The following SUPT3H variants were observed in gnomAD, a reference collection of about 807,000 sequenced individuals.
SUPT3H encodes the protein SPT3 homolog, SAGA and STAGA complex component, also known as transcription initiation protein SPT3 homolog.
SUPT3H carries 44 observed loss-of-function variants against 44.3 expected under a neutral mutation model. The ratio of observed to expected loss-of-function variants is 0.99; its 90% confidence interval spans 0.78 to 1.28. SUPT3H has a LOEUF of 1.28. SUPT3H is among the 50% of genes most tolerant of loss of function. The pLI, the probability that SUPT3H is intolerant of heterozygous loss-of-function variation, is 0.00. For missense variants in SUPT3H, 380 were observed against 387.1 expected (o/e 0.98, Z 0.15); for synonymous variants, 124 against 125.6 (o/e 0.99, Z 0.09).
At chr6:45,169,549 A>G (rs1810444261) in intron 2 of SUPT3H, among the ~76,000 whole-genome samples, 2 of 152,170 alleles carry the variant, frequency 1.3e-5, no homozygotes, top group South Asian at 4.1e-4. Flanking sequence ...CATAAAAAAA[A>G]TGTTTTTATA....
At chr6:44,918,821 A>C (rs1449151610) in intron 10 of SUPT3H, among the ~76,000 whole-genome samples, 2 of 152,212 alleles carry the variant, frequency 1.3e-5, no homozygotes, top group African/African-American at 2.4e-5. Flanking sequence ...CAGATAGCTT[A>C]CACGCCACTG....
At position 45,053,723 on chromosome 6, in the gene SUPT3H, C is replaced by T. The variant is rs149698319; in HGVS notation, c.187-33091G>A. 4.7e-3 allele frequency among the ~76,000 whole-genome samples: 671 copies of T among 142,032 alleles called. 6 individuals carry two copies. The highest frequency in any genetic ancestry group is 0.017 in the African/African-American group (628 of 37,162). The allele number at this position is 142,032 out of a possible 152,430, so 93.2% of individuals were successfully genotyped here. On this transcript the variant is annotated intron_variant, in intron 3 of 10. Coordinates refer to ENST00000371459, the MANE Select transcript of SUPT3H (RefSeq NM_003599.4). ...ACCATCCTGTCTAACACGGTGAAAC[C>T]CCATCTACTAAAAATACAAAAAAAA...
At chr6:44,917,097 T>A (rs1767933390) in intron 10 of SUPT3H, among the ~76,000 whole-genome samples, 13 of 151,956 alleles carry the variant, frequency 8.6e-5, no homozygotes, top group Admixed American at 8.5e-4. Flanking sequence ...GAGGCTGCAG[T>A]GAGCCAGGGC....
At chr6:44,894,595 A>G (rs1763829012) in intron 10 of SUPT3H, among the ~76,000 whole-genome samples, 1 of 152,178 alleles carries the variant, frequency 6.6e-6, no homozygotes, top group Non-Finnish European at 1.5e-5. Context: ...CTGTTTTGGT[A>G]CCAGTACCAT....
At chr6:45,183,988 A>G (rs1425880629) in intron 2 of SUPT3H, among the ~76,000 whole-genome samples, 4 of 152,188 alleles carry the variant, frequency 2.6e-5, no homozygotes, top group African/African-American at 4.8e-5. Context: ...CAGTGAAACT[A>G]TTTTGTATGA....
chr6:45,169,851 TAA>T (rs1332826014), intron 2 of SUPT3H, among the ~76,000 whole-genome samples: 5 of 152,332 alleles, frequency 3.3e-5, no homozygotes, highest in South Asian at 4.1e-4. Flanking sequence ...TAAAATCAGT[TAA>T]GAGGATAAAC....
At chr6:45,374,983 G>A (rs1032421618) in intron 1 of SUPT3H, among the ~76,000 whole-genome samples, 1 of 152,210 alleles carries the variant, frequency 6.6e-6, no homozygotes, top group East Asian at 1.9e-4. Context: ...GAGGCGGGTG[G>A]AGCACTTGAG....
chr6:45,248,821 A>G (rs1771845884), intron 2 of SUPT3H, among the ~76,000 whole-genome samples: 2 of 151,614 alleles, frequency 1.3e-5, no homozygotes, highest in Admixed American at 1.3e-4. Flanking sequence ...AGGCTGAGGC[A>G]GGGGAATCAC....
At chr6:45,196,174 G>A (rs1480346335) in intron 2 of SUPT3H, among the ~76,000 whole-genome samples, 2 of 151,906 alleles carry the variant, frequency 1.3e-5, no homozygotes, top group South Asian at 2.1e-4. Flanking sequence ...TTAAAAGGGG[G>A]TAGGGGGCAG....
At chr6:44,934,601 T>C (rs1037699841) in intron 9 of SUPT3H, among the ~76,000 whole-genome samples, 2 of 152,194 alleles carry the variant, frequency 1.3e-5, no homozygotes, top group Non-Finnish European at 2.9e-5. Flanking sequence ...TGGGAATTGA[T>C]TTATCCACGA....
chr6:44,886,298 T>G (rs2153437668), intron 10 of SUPT3H, among the ~76,000 whole-genome samples: 1 of 151,856 alleles, frequency 6.6e-6, no homozygotes, highest in East Asian at 1.9e-4. Flanking sequence ...GAAGAGCAAC[T>G]CCAAGACACA....
intron 10 of SUPT3H, among the ~76,000 whole-genome samples, chr6:44,929,510 T>C (rs569152677): frequency 3.9e-5 from 6 of 152,330 alleles, no homozygotes; most frequent in Admixed American, 1.3e-4. Context: ...TAGTTGTTCA[T>C]TGGCATTTTA....
chr6:44,835,014 C>T (rs1769560418), intron 10 of SUPT3H, among the ~76,000 whole-genome samples: 1 of 152,098 alleles, frequency 6.6e-6, no homozygotes, highest in Non-Finnish European at 1.5e-5. Flanking sequence ...CCTGGAGAAT[C>T]ACTTAATTTT....
At chr6:45,020,854 CAG>C (rs1202261207) in intron 3 of SUPT3H, among the ~76,000 whole-genome samples, 1 of 151,848 alleles carries the variant, frequency 6.6e-6, no homozygotes, top group African/African-American at 2.4e-5. Context: ...ATACAATAAA[CAG>C]AAATCTTTTA....
chr6:44,828,389 AT>A lies in SUPT3H; in HGVS notation c.*1426del, dbSNP rs1207353508. 6.6e-6 allele frequency among the ~76,000 whole-genome samples: 1 copy of A among 152,186 alleles called. No individual in the cohort carries two copies. The highest frequency in any genetic ancestry group is 2.4e-5 in the African/African-American group (1 of 41,458). ...TGAAATGCAAATTTTTTCTAAAAAGATTAACATAGAGCAGGTAAATGACAGT... is the reference window on the plus strand; with the variant it reads ...TGAAATGCAAATTTTTTCTAAAAAGATAACATAGAGCAGGTAAATGACAGT... On this transcript the variant is annotated 3_prime_UTR_variant, in exon 11 of 11. Transcript: ENST00000371459.
intron 6 of SUPT3H, among the ~76,000 whole-genome samples, chr6:44,996,165 T>C (rs1781241631): frequency 6.6e-6 from 1 of 151,876 alleles, no homozygotes; most frequent in Admixed American, 6.6e-5. Context: ...GAATTGATAT[T>C]TTAAAATACT....
intron 2 of SUPT3H, among the ~76,000 whole-genome samples, chr6:45,240,642 T>A (rs1207126616): frequency 6.6e-6 from 1 of 152,224 alleles, no homozygotes; most frequent in African/African-American, 2.4e-5. Context: ...ATTGGTCCCC[T>A]AAGGGGATGT....
At chr6:44,925,086 T>A (rs1181346929) in intron 10 of SUPT3H, among the ~76,000 whole-genome samples, 1 of 152,130 alleles carries the variant, frequency 6.6e-6, no homozygotes, top group Non-Finnish European at 1.5e-5. Flanking sequence ...CTTTAAAAAT[T>A]TTTCATATTT....
intron 9 of SUPT3H, 50 bp downstream of exon 9, chr6:44,953,260 T>C (rs375022873): frequency 4.4e-6 from 6 of 1,372,850 alleles, no homozygotes; most frequent in Middle Eastern, 1.8e-4. Context: ...AAATACCAGA[T>C]ATGTGTCAAA....
Sources: gnomAD v4.1 joint callset for allele counts (sites outside exome capture counted in the v4.1 genomes callset) on GRCh38, gnomAD v4.1.1 for gene constraint, MANE v1.5 for transcripts, NCBI Gene and HGNC (gene_info 2026-07-23, HGNC 2026-07-21) for gene names.